The following RNF24 variants were observed in gnomAD, a reference collection of about 807,000 sequenced individuals.
The protein encoded by RNF24 is ring finger protein 24.
RNF24 carries 14 observed loss-of-function variants against 20.0 expected under a neutral mutation model. The ratio of observed to expected loss-of-function variants is 0.70; its 90% CI spans 0.46 to 1.10. The LOEUF (loss-of-function observed/expected upper bound fraction) is 1.10, where lower values mean the gene tolerates loss of function less well. Among genes scored for constraint, RNF24 ranks in the 50% least tolerant of loss-of-function variants. The pLI is 0.00. For missense variants in RNF24, 124 were observed against 177.6 expected (o/e 0.70, Z 1.71); for synonymous variants, 45 against 61.1 (o/e 0.74, Z 1.23).
intron 1 of RNF24, among the ~76,000 whole-genome samples, chr20:4,004,759 A>G (rs1485835289): frequency 6.6e-6 from 1 of 152,246 alleles, no homozygotes; most frequent in Non-Finnish European, 1.5e-5. Flanking sequence ...TTCTACCTCC[A>G]GAACTGTGAA....
At chr20:3,942,675 A>G (rs1417907917) in intron 4 of RNF24, among the ~76,000 whole-genome samples, 2 of 151,908 alleles carry the variant, frequency 1.3e-5, no homozygotes, top group Non-Finnish European at 2.9e-5. Flanking sequence ...GGGTTTCACC[A>G]TGTTAGCCAG....
At chr20:3,944,037 C>A (rs938565318) in intron 4 of RNF24, among the ~76,000 whole-genome samples, 3 of 151,942 alleles carry the variant, frequency 2.0e-5, no homozygotes, top group Non-Finnish European at 4.4e-5. Context: ...TGGTGAAACC[C>A]CGTCTCTACT....
chr20:3,974,409 T>C, intron 1 of RNF24: 1 of 1,541,020 alleles, frequency 6.5e-7, no homozygotes, highest in Non-Finnish European at 8.7e-7. Context: ...TTCTAGCCAG[T>C]GCAATAAGGT....
At chr20:3,991,172 T>A (rs1980401217) in intron 1 of RNF24, among the ~76,000 whole-genome samples, 1 of 151,970 alleles carries the variant, frequency 6.6e-6, no homozygotes. Context: ...ATGTTACCTA[T>A]TAAAGAGAAT....
At chr20:4,006,021 C>T (rs879420565) in intron 1 of RNF24, among the ~76,000 whole-genome samples, 2 of 152,090 alleles carry the variant, frequency 1.3e-5, no homozygotes, top group Non-Finnish European at 2.9e-5. Context: ...ATCGGGAAAA[C>T]ATAAGTACCA....
At chr20:3,949,576 C>T (rs780415398) in intron 2 of RNF24, among the ~76,000 whole-genome samples, 7 of 149,258 alleles carry the variant, frequency 4.7e-5, no homozygotes, top group South Asian at 2.1e-4. Context: ...CCCAGCTACT[C>T]GGGAGGCTGA....
intron 2 of RNF24, among the ~76,000 whole-genome samples, chr20:3,957,012 G>C (rs1423124463): frequency 6.6e-6 from 1 of 152,112 alleles, no homozygotes; most frequent in East Asian, 1.9e-4. Context: ...CTGGGCATCA[G>C]CTGGGCTCAG....
At chr20:3,969,568 G>C (rs933759120) in intron 1 of RNF24, among the ~76,000 whole-genome samples, 2 of 150,370 alleles carry the variant, frequency 1.3e-5, no homozygotes, top group South Asian at 2.1e-4. Context: ...AAAAGGAGTA[G>C]TTAACAAGAC....
At chr20:3,966,133 CAAAAAAAAAAAAA>C (rs574975352) in intron 1 of RNF24, among the ~76,000 whole-genome samples, 3 of 81,468 alleles carry the variant, frequency 3.7e-5, no homozygotes, top group South Asian at 4.8e-4. Context: ...GATTCCATCT[CAAAAAAAAAAAAA>C]AAAAAAAAAA....
At position 3,932,186 on chromosome 20, in the gene RNF24, C is replaced by A. The variant is rs150286111; in HGVS notation, c.*1877G>T. ...GGCTAGTCCAGAAGCAAGCCTCCTTCTGATATTGGTCACTGAAAACAGCTC... is the reference window on the plus strand; with the variant it reads ...GGCTAGTCCAGAAGCAAGCCTCCTTATGATATTGGTCACTGAAAACAGCTC... On this transcript the variant is annotated 3_prime_UTR_variant, in exon 6 of 6. Coordinates refer to ENST00000358395, the MANE Select transcript of RNF24 (RefSeq NM_001134337.3). The A allele has an allele frequency of 1.9e-4, 29 of 152,214 alleles. No individual in the cohort carries two copies. The highest frequency in any genetic ancestry group is 7.0e-4 in the African/African-American group (29 of 41,460). The allele number at this position is 152,214 out of a possible 1,614,324, so 9.4% of individuals were successfully genotyped here.
intron 1 of RNF24, among the ~76,000 whole-genome samples, chr20:4,006,310 G>A (rs1302560752): frequency 6.6e-6 from 1 of 151,848 alleles, no homozygotes; most frequent in African/African-American, 2.4e-5. Context: ...CAGAGGTTGC[G>A]GTGAGCAGAA....
intron 1 of RNF24, among the ~76,000 whole-genome samples, chr20:3,972,881 C>T (rs1321465947): frequency 2.0e-5 from 3 of 149,060 alleles, no homozygotes; most frequent in Non-Finnish European, 4.4e-5. Context: ...CCAACGTGGG[C>T]GACAGAGTGA....
chr20:4,012,279 T>G (rs1313527685), intron 1 of RNF24, among the ~76,000 whole-genome samples: 1 of 151,970 alleles, frequency 6.6e-6, no homozygotes, highest in Non-Finnish European at 1.5e-5. Context: ...TAGCCAGGCG[T>G]GGTGGCCAGT....
intron 4 of RNF24, among the ~76,000 whole-genome samples, chr20:3,940,580 A>G (rs1447470923): frequency 6.6e-6 from 1 of 152,222 alleles, no homozygotes; most frequent in Non-Finnish European, 1.5e-5. Context: ...TATATTTATG[A>G]AGCTGAGTAA....
Position 3,931,721 on chromosome 20 carries a change from A to G in RNF24, c.*2342T>C, listed in dbSNP as rs1353232128. The G allele has an allele frequency of 6.6e-6, 1 of 152,230 alleles. No homozygotes were observed. The highest frequency in any genetic ancestry group is 2.4e-5 in the African/African-American group (1 of 41,450). 9.4% of individuals were successfully genotyped at this position (152,230 alleles called of 1,614,324 possible). On this transcript the variant is annotated 3_prime_UTR_variant, in exon 6 of 6. Transcript: ENST00000358395. The stretch of plus-strand genomic sequence containing the variant: ...TGAATGCATTTTAAAACCAGTCCAC[A>G]TTCACATGTGCTGAGAAGGTTGTTA...
intron 3 of RNF24, among the ~76,000 whole-genome samples, chr20:3,946,157 C>T (rs527836436): frequency 1.3e-5 from 2 of 152,254 alleles, no homozygotes; most frequent in South Asian, 4.1e-4. Context: ...ATACAAATAT[C>T]TTGTAAGCTG....
At chr20:4,002,661 GAATA>G (rs1319971323) in intron 1 of RNF24, among the ~76,000 whole-genome samples, 1 of 152,164 alleles carries the variant, frequency 6.6e-6, no homozygotes, top group Non-Finnish European at 1.5e-5. Flanking sequence ...TTTAGAAACA[GAATA>G]AATTATATGG....
chr20:3,928,747 C>CCAAAAA lies in RNF24; in HGVS notation c.*5315_*5316insTTTTTG, dbSNP rs2090768713. Reference sequence around the variant, plus strand: ...TGGGTGACAGAGCGAGACTCCGTCTCAAAAAAAAAAAAAAAAAAAAAAAAA... The same window carrying CCAAAAA: ...TGGGTGACAGAGCGAGACTCCGTCTCCAAAAAAAAAAAAAAAAAAAAAAAAAAAAAA... On this transcript the variant is annotated 3_prime_UTR_variant, in exon 6 of 6. Coordinates refer to ENST00000358395, the MANE Select transcript of RNF24 (RefSeq NM_001134337.3). The CCAAAAA allele has an allele frequency of 1.8e-5, 1 of 56,840 alleles. No homozygotes were observed. Among genetic ancestry groups the CCAAAAA allele is most frequent in the Admixed American group, 2.8e-4 (1 of 3,528 alleles). The allele number at this position is 56,840 out of a possible 1,614,324, so 3.5% of individuals were successfully genotyped here. A position where few individuals can be genotyped will look rare whatever the true frequency, so the allele number is the denominator to read the frequency against.
At chr20:4,013,140 C>T (rs1411909444) in intron 1 of RNF24, among the ~76,000 whole-genome samples, 1 of 151,964 alleles carries the variant, frequency 6.6e-6, no homozygotes, top group Non-Finnish European at 1.5e-5. Flanking sequence ...ATTGAAAAAT[C>T]AACTTTCATT....
Sources: allele counts gnomAD v4.1 joint callset (sites outside exome capture counted in the v4.1 genomes callset), GRCh38; gene constraint gnomAD v4.1.1; transcripts MANE v1.5; gene names NCBI Gene and HGNC (gene_info 2026-07-23, HGNC 2026-07-21).